FHIT: variants seen among roughly 807,000 people sequenced by gnomAD.
FHIT encodes the protein bis(5'-adenosyl)-triphosphatase.
A neutral mutation model predicts 17.9 loss-of-function variants in FHIT; 19 were observed. That is an observed-to-expected ratio of 1.06 (90% CI 0.74 to 1.56). FHIT has a LOEUF of 1.56. Ranked by LOEUF, FHIT falls within the 40% of genes most tolerant of loss-of-function variation. The probability of loss-of-function intolerance (pLI) is 0.00; values close to 1 mark genes in which losing one functional copy is unlikely to be tolerated. For missense variants in FHIT, 248 were observed against 189.2 expected, an observed-to-expected ratio of 1.31 and a Z score of -1.82; for synonymous variants, 81 against 69.7, an observed-to-expected ratio of 1.16 and a Z score of -0.81.
chr3:60,581,739 T>A (rs147330031), intron 4 of FHIT, among the ~76,000 whole-genome samples: 1 of 152,158 alleles, frequency 6.6e-6, no homozygotes, highest in East Asian at 1.9e-4. Context: ...TCTGCAGAGT[T>A]TAGTGATGAG....
At chr3:61,028,554 A>G (rs2032852957) in intron 3 of FHIT, among the ~76,000 whole-genome samples, 1 of 152,228 alleles carries the variant, frequency 6.6e-6, no homozygotes, top group Non-Finnish European at 1.5e-5. Flanking sequence ...TTCTAGAATC[A>G]GGCAGCCTGT....
At chr3:60,195,546 G>C (rs1264072800) in intron 5 of FHIT, among the ~76,000 whole-genome samples, 2 of 18,888 alleles carry the variant, frequency 1.1e-4, no homozygotes, top group African/African-American at 8.6e-4. Context: ...AGGAAAATGT[G>C]ATATATATAT....
At chr3:60,182,507 T>C (rs1358955826) in intron 5 of FHIT, among the ~76,000 whole-genome samples, 17 of 152,170 alleles carry the variant, frequency 1.1e-4, no homozygotes, top group Non-Finnish European at 1.9e-4. Flanking sequence ...GTGGGCACAG[T>C]GGCTGACACC....
Position 60,696,056 on chromosome 3 carries a change from T to C in FHIT, c.-18+125863A>G, listed in dbSNP as rs529212721. On this transcript the variant is annotated intron_variant, in intron 4 of 9. Transcript: ENST00000492590. ...ACAAAGTAATTCTAGCTCTTTTACA[T>C]ATTTAACTTTCAAGCAAGATTTTCT... 9.9e-5 allele frequency among the ~76,000 whole-genome samples: 15 copies of C among 152,238 alleles called. No homozygotes were observed. In the East Asian group the frequency reaches 2.1e-3, roughly 22 times the overall value.
chr3:61,037,766 C>T (rs1206786004), intron 3 of FHIT, among the ~76,000 whole-genome samples: 1 of 152,206 alleles, frequency 6.6e-6, no homozygotes, highest in Non-Finnish European at 1.5e-5. Context: ...CATTGGATGA[C>T]TCATCAAGTA....
At chr3:60,889,798 T>C (rs1372282891) in intron 3 of FHIT, among the ~76,000 whole-genome samples, 1 of 152,026 alleles carries the variant, frequency 6.6e-6, no homozygotes, top group African/African-American at 2.4e-5. Context: ...AAGAGGCAAA[T>C]TGGGTTAATA....
intron 5 of FHIT, among the ~76,000 whole-genome samples, chr3:60,363,699 A>C (rs73090008): frequency 0.024 from 3,588 of 152,142 alleles, 63 homozygotes; most frequent in South Asian, 0.043. Context: ...ACTCTGCTCC[A>C]CTGTGCTCTG....
At chr3:60,185,997 G>C (rs1260500585) in intron 5 of FHIT, among the ~76,000 whole-genome samples, 2 of 152,048 alleles carry the variant, frequency 1.3e-5, no homozygotes, top group Non-Finnish European at 2.9e-5. Context: ...AAATTAGCTT[G>C]TTTTGTTTTC....
At position 61,142,432 on chromosome 3, in the gene FHIT, A is replaced by G. The variant is rs75643472; in HGVS notation, c.-164+58185T>C. Among the ~76,000 whole-genome samples the G allele has an allele frequency of 5.1e-3, 739 of 145,584 alleles. 16 individuals are homozygous for G. Among genetic ancestry groups the G allele is most frequent in the African/African-American group, 0.017 (702 of 41,140 alleles). ...ATAAATCAAGTCAATGATGTATTTGAATGTGACTCTAATCACTGAGGTGGG... is the reference window on the plus strand; with the variant it reads ...ATAAATCAAGTCAATGATGTATTTGGATGTGACTCTAATCACTGAGGTGGG... On this transcript the variant is annotated intron_variant, in intron 2 of 9. Transcript: ENST00000492590.
At chr3:59,935,002 G>A (rs1176601239) in intron 7 of FHIT, among the ~76,000 whole-genome samples, 1 of 152,088 alleles carries the variant, frequency 6.6e-6, no homozygotes, top group Non-Finnish European at 1.5e-5. Context: ...TATAAAACCA[G>A]GATAACTCCA....
At position 60,717,366 on chromosome 3, in the gene FHIT, C is replaced by G. The variant is rs72876925; in HGVS notation, c.-18+104553G>C. On this transcript the variant is annotated intron_variant, in intron 4 of 9. Transcript: ENST00000492590. ...ATGAGATGATGGATATGTTAATTAG[C>G]TTGATTTCATCATTTAGCAATGTAT... Among the ~76,000 whole-genome samples the G allele has an allele frequency of 9.8e-3, 1,493 of 152,206 alleles. 30 individuals are homozygous for G. Among genetic ancestry groups the G allele is most frequent in the African/African-American group, 0.034 (1,431 of 41,520 alleles).
chr3:60,478,894 A>C (rs1055917994), intron 5 of FHIT, among the ~76,000 whole-genome samples: 2 of 152,236 alleles, frequency 1.3e-5, no homozygotes, highest in African/African-American at 4.8e-5. Context: ...CACATAGCAC[A>C]GAGTGTGCTA....
intron 3 of FHIT, among the ~76,000 whole-genome samples, chr3:60,915,019 A>G (rs1706929729): frequency 6.6e-6 from 1 of 152,358 alleles, no homozygotes; most frequent in South Asian, 2.1e-4. Flanking sequence ...TGATTACACT[A>G]CATAGTTCAT....
intron 6 of FHIT, 44 bp from the exon 7 acceptor site, chr3:60,011,444 G>C: frequency 6.6e-7 from 1 of 1,511,148 alleles, no homozygotes; most frequent in Non-Finnish European, 9.2e-7. Flanking sequence ...TAGATAGATG[G>C]TATCTCCTGC....
At chr3:60,331,327 C>T (rs1251888557) in intron 5 of FHIT, among the ~76,000 whole-genome samples, 1 of 152,128 alleles carries the variant, frequency 6.6e-6, no homozygotes. Context: ...CCCCTCTCCC[C>T]ACATGTCCCT....
chr3:60,881,290 AAATT>A (rs1553757912), intron 3 of FHIT, among the ~76,000 whole-genome samples: 1 of 152,224 alleles, frequency 6.6e-6, no homozygotes, highest in Non-Finnish European at 1.5e-5. Context: ...ATTGATATAT[AAATT>A]AAATAGTATT....
At chr3:60,410,832 T>G (rs775409893) in intron 5 of FHIT, among the ~76,000 whole-genome samples, 3 of 152,192 alleles carry the variant, frequency 2.0e-5, no homozygotes, top group Non-Finnish European at 4.4e-5. Flanking sequence ...TCATATTGCT[T>G]ATTTAATGAC....
chr3:60,594,988 C>T (rs1027645844), intron 4 of FHIT, among the ~76,000 whole-genome samples: 2 of 151,920 alleles, frequency 1.3e-5, no homozygotes, highest in African/African-American at 4.8e-5. Flanking sequence ...TTGTTTCCAC[C>T]TGTTGTATCC....
At chr3:60,922,010 C>A (rs1467078566) in intron 3 of FHIT, among the ~76,000 whole-genome samples, 2 of 152,222 alleles carry the variant, frequency 1.3e-5, no homozygotes. Flanking sequence ...GCACTGCCTG[C>A]AGCAGGGAGA....
Sources: allele counts gnomAD v4.1 joint callset (sites outside exome capture counted in the v4.1 genomes callset), GRCh38; gene constraint gnomAD v4.1.1; transcripts MANE v1.5; gene names NCBI Gene and HGNC (gene_info 2026-07-23, HGNC 2026-07-21).